ZNF831: variants seen among roughly 807,000 people sequenced by gnomAD.
ZNF831 encodes the protein zinc finger protein 831.
A neutral mutation model predicts 95.8 loss-of-function variants in ZNF831; 59 were observed. That is an observed-to-expected ratio of 0.62 (90% CI 0.50 to 0.77). ZNF831 has a LOEUF of 0.77. Among genes scored for constraint, ZNF831 ranks in the 30% least tolerant of loss-of-function variants. ZNF831 has a pLI of 0.00. For synonymous variants in ZNF831, 961 were observed against 925.5 expected, an observed-to-expected ratio of 1.04 and a Z score of -0.70; for missense variants, 2,205 against 2,164.0, an observed-to-expected ratio of 1.02 and a Z score of -0.38.
At chr20:59,164,945 A>G (rs1981136122) in intron 1 of ZNF831, among the ~76,000 whole-genome samples, 1 of 152,250 alleles carries the variant, frequency 6.6e-6, no homozygotes, top group Admixed American at 6.5e-5. Flanking sequence ...AAATGGTAAC[A>G]TTAGCTGACT....
intron 3 of ZNF831, among the ~76,000 whole-genome samples, chr20:59,197,188 C>T (rs886076337): frequency 6.6e-6 from 1 of 152,150 alleles, no homozygotes; most frequent in African/African-American, 2.4e-5. Context: ...GGCCTCTTCT[C>T]TTTTGGTTCC....
intron 4 of ZNF831, among the ~76,000 whole-genome samples, chr20:59,230,800 A>C (rs764049853): frequency 1.2e-4 from 19 of 152,248 alleles, no homozygotes; most frequent in Non-Finnish European, 2.4e-4. Flanking sequence ...CTTTCACATT[A>C]CCATGGTATT....
rs367626720 is a variant in ZNF831, at chr20:59,234,548, C to T, written c.4028-18430C>T. On this transcript the variant is annotated intron_variant, in intron 4 of 5. Coordinates refer to ENST00000371030, the MANE Select transcript of ZNF831 (RefSeq NM_178457.3). ...TATCAGGGAAGGAATGATACCCTGA[C>T]GGTAACATCCTAGAGGAAGAGCTGT... is the stretch of plus-strand genomic sequence containing the variant. 9.9e-5 allele frequency among the ~76,000 whole-genome samples: 15 copies of T among 152,260 alleles called. No individual in the cohort carries two copies. In the East Asian group the frequency reaches 1.4e-3, roughly 14 times the overall value.
intron 1 of ZNF831, among the ~76,000 whole-genome samples, chr20:59,164,619 T>C (rs1448713274): frequency 6.6e-6 from 1 of 152,352 alleles, no homozygotes; most frequent in East Asian, 1.9e-4. Context: ...GGCCAAGTTT[T>C]TTATTTGTAT....
intron 4 of ZNF831, among the ~76,000 whole-genome samples, chr20:59,234,195 T>C (rs944273371): frequency 6.6e-6 from 1 of 152,218 alleles, no homozygotes; most frequent in Non-Finnish European, 1.5e-5. Context: ...CCTTGGTTCT[T>C]CCTGTCTTTG....
At chr20:59,221,525 T>TA in intron 4 of ZNF831, among the ~76,000 whole-genome samples, 1 of 152,208 alleles carries the variant, frequency 6.6e-6, no homozygotes, top group Non-Finnish European at 1.5e-5. Context: ...AAACAACCAT[T>TA]GCTTCCTGCA....
intron 4 of ZNF831, among the ~76,000 whole-genome samples, chr20:59,210,988 G>C (rs1416573014): frequency 1.3e-5 from 1 of 79,384 alleles, no homozygotes; most frequent in African/African-American, 7.2e-5. Flanking sequence ...AGCCGAGATT[G>C]CGCCACTGCA....
intron 3 of ZNF831, among the ~76,000 whole-genome samples, chr20:59,199,539 T>A (rs1459967390): frequency 6.6e-6 from 1 of 152,154 alleles, no homozygotes; most frequent in African/African-American, 2.4e-5. Flanking sequence ...GAAGATCTCA[T>A]CGTGTCAGGA....
intron 2 of ZNF831, among the ~76,000 whole-genome samples, chr20:59,155,369 G>C (rs1010329496): frequency 6.6e-6 from 1 of 152,212 alleles, no homozygotes; most frequent in Non-Finnish European, 1.5e-5. Context: ...TCTGTGTGCA[G>C]CTGTGTCTCT....
chr20:59,191,084 G>A lies in ZNF831; in HGVS notation c.65G>A (p.Gly22Asp). Residue 22 changes from glycine to aspartate, a missense_variant, in exon 2 of 6, where the codon GGC becomes GAC. By Grantham distance (94) the Gly-to-Asp change is moderately conservative. Transcript: ENST00000371030. ...AGGGACCAGCCAGCTCCCACTCCTG[G>A]CCCTCCAGGGGCCCCAGGTGGCCAG... is the stretch of plus-strand genomic sequence containing the variant. ...PARDQPAPTP[G>D]PPGAPGGQAS... 1 of 1,537,384 alleles carries A rather than the reference G, an allele frequency of 6.5e-7. No homozygotes were observed. Among genetic ancestry groups the A allele is most frequent in the Non-Finnish European group, 8.7e-7 (1 of 1,150,292 alleles).
At chr20:59,151,100 C>T (rs1170610513) in intron 2 of ZNF831, among the ~76,000 whole-genome samples, 6 of 152,274 alleles carry the variant, frequency 3.9e-5, no homozygotes, top group Middle Eastern at 6.8e-3. Context: ...GGCCCATGTT[C>T]CCGGTACATG....
intron 4 of ZNF831, among the ~76,000 whole-genome samples, chr20:59,230,326 G>T (rs1347772649): frequency 1.3e-5 from 2 of 152,178 alleles, no homozygotes; most frequent in African/African-American, 4.8e-5. Flanking sequence ...ACAAAAATTA[G>T]CTGGGCATGG....
chr20:59,256,713 A>G lies in ZNF831; in HGVS notation c.*1970A>G, dbSNP rs1988205589. 6.6e-6 allele frequency: 1 copy of G among 152,224 alleles called. No homozygotes were observed. Among genetic ancestry groups the G allele is most frequent in the African/African-American group, 2.4e-5 (1 of 41,454 alleles). The allele number at this position is 152,224 out of a possible 1,614,324, so 9.4% of individuals were successfully genotyped here. On this transcript the variant is annotated 3_prime_UTR_variant, in exon 6 of 6. Transcript: ENST00000371030. ...ATATTCCCCATGGGGAACCATTGCC[A>G]CGGAGGCCTTGCATGCAAGAAGTTT...
Position 59,194,609 on chromosome 20 carries a change from A to G in ZNF831, c.3590A>G (p.Glu1197Gly), listed in dbSNP as rs1403256716. ...CLSRSVPLPA[E>G]QKAKAASVYL... is the part of the protein sequence containing the mutation. Reference sequence around the variant, plus strand: ...AGCCGCAGTGTCCCTCTGCCCGCGGAGCAGAAGGCAAAGGCGGCATCTGTG... The same window carrying G: ...AGCCGCAGTGTCCCTCTGCCCGCGGGGCAGAAGGCAAAGGCGGCATCTGTG... The change falls in exon 2 of 6, where the codon GAG becomes GGG. Residue 1197 changes from glutamate (E) to glycine (G), a missense_variant. By Grantham distance (98) the Glu-to-Gly change is moderately conservative (BLOSUM62 -2). Transcript: ENST00000371030. 9.9e-6 allele frequency: 16 copies of G among 1,612,758 alleles called. No individual in the cohort carries two copies. The highest frequency in any genetic ancestry group is 1.3e-5 in the African/African-American group (1 of 74,854).
intron 4 of ZNF831, among the ~76,000 whole-genome samples, chr20:59,237,508 G>A (rs893657682): frequency 1.2e-4 from 18 of 152,156 alleles, no homozygotes; most frequent in African/African-American, 4.1e-4. Context: ...CACCACACCC[G>A]GCTAATTTTT....
In ZNF831 at chr20:59,255,328, A is replaced by AT. The variant is rs1040389160; in HGVS notation, c.*587dup. Reference sequence around the variant, plus strand: ...AAAAAACTGAAGCTTGTTCAGAGTAATTCACGTCCTTGGTGGAGTTGTAAA... The same window carrying AT: ...AAAAAACTGAAGCTTGTTCAGAGTAATTTCACGTCCTTGGTGGAGTTGTAAA... On this transcript the variant is annotated 3_prime_UTR_variant, in exon 6 of 6. Transcript: ENST00000371030. 1 of 153,214 alleles carries AT rather than the reference A, an allele frequency of 6.5e-6. No homozygotes were observed. The highest frequency in any genetic ancestry group is 1.5e-5 in the Non-Finnish European group (1 of 68,764). The allele number at this position is 153,214 out of a possible 1,614,324, so 9.5% of individuals were successfully genotyped here.
chr20:59,203,054 A>G (rs1332227891), intron 3 of ZNF831, among the ~76,000 whole-genome samples: 5 of 152,206 alleles, frequency 3.3e-5, no homozygotes, highest in Non-Finnish European at 7.4e-5. Context: ...TGGTTTTTTC[A>G]TTAAGAATTT....
chr20:59,154,052 TA>T (rs1196185406), intron 2 of ZNF831, among the ~76,000 whole-genome samples: 3 of 152,052 alleles, frequency 2.0e-5, no homozygotes, highest in Non-Finnish European at 4.4e-5. Context: ...GAGCTAGTCA[TA>T]AAAAAAGTGC....
rs1379955027 is a variant in ZNF831, at chr20:59,193,428, G to T, written c.2409G>T (p.Gln803His). The change falls in exon 2 of 6, where the codon CAG becomes CAT. Residue 803 changes from glutamine (Q) to histidine (H), a missense_variant. By Grantham distance (24) the Gln-to-His change is conservative. Transcript: ENST00000371030. ...TTCAGGAGACCTGCCTGTGGGCCCA[G>T]ACTGTCCTGAGATGGCCCAGCAGGG... Reference protein sequence around the residue: ...GDVQETCLWAQTVLRWPSRGS... With the variant: ...GDVQETCLWAHTVLRWPSRGS... 2 of 1,600,674 alleles carry T rather than the reference G, an allele frequency of 1.2e-6. No homozygotes were observed. Among genetic ancestry groups the T allele is most frequent in the Non-Finnish European group, 1.7e-6 (2 of 1,173,944 alleles).
Sources: allele counts gnomAD v4.1 joint callset (sites outside exome capture counted in the v4.1 genomes callset), GRCh38; gene constraint gnomAD v4.1.1; transcripts MANE v1.5; gene names NCBI Gene and HGNC (gene_info 2026-07-23, HGNC 2026-07-21).